Variants in ZNRF3 observed in about 807,000 individuals in gnomAD.
ZNRF3 encodes zinc and ring finger 3, also known as E3 ubiquitin-protein ligase ZNRF3.
Under a neutral mutation model 72.5 loss-of-function variants are expected in ZNRF3, and 23 were observed. That is an observed-to-expected ratio of 0.32 (90% CI 0.23 to 0.45). The LOEUF is 0.45. Ranked by LOEUF, ZNRF3 falls within the 20% of genes least tolerant of loss-of-function variation. The probability of loss-of-function intolerance (pLI) is 1.00; values close to 1 mark genes in which losing one functional copy is unlikely to be tolerated. For synonymous variants in ZNRF3, 610 were observed against 545.3 expected (o/e 1.12, Z -1.65); for missense variants, 1,169 against 1,272.1 (o/e 0.92, Z 1.23).
intron 1 of ZNRF3, among the ~76,000 whole-genome samples, chr22:28,978,442 A>G (rs2035711356): frequency 6.6e-6 from 1 of 152,154 alleles, no homozygotes; most frequent in African/African-American, 2.4e-5. Context: ...GGCTCCCAGA[A>G]CAGCCGTCTC....
chr22:29,052,647 C>T (rs987404004), intron 8 of ZNRF3, among the ~76,000 whole-genome samples: 4 of 150,128 alleles, frequency 2.7e-5, no homozygotes, highest in East Asian at 2.0e-4. Flanking sequence ...GAGCTGAGAT[C>T]GCCCCATCGT....
Position 29,027,243 on chromosome 22 carries a change from T to A in ZNRF3, c.427-15252T>A, listed in dbSNP as rs8137893. 7.7e-3 allele frequency among the ~76,000 whole-genome samples: 1,119 copies of A among 146,136 alleles called. 17 individuals are homozygous for A. The highest frequency in any genetic ancestry group is 0.027 in the African/African-American group (1,074 of 40,340). ...TACCCCTCTATTTTTTATTTAATTT[T>A]ATTTATTTATTTATTTATTTTTGAG... On this transcript the variant is annotated intron_variant, in intron 2 of 8. Transcript: ENST00000544604.
At chr22:29,052,223 A>G (rs1256578764) in intron 8 of ZNRF3, among the ~76,000 whole-genome samples, 1 of 152,174 alleles carries the variant, frequency 6.6e-6, no homozygotes, top group Non-Finnish European at 1.5e-5. Flanking sequence ...TCCCACTGCT[A>G]TCCCCTCAGT....
At chr22:28,898,509 C>T (rs900844331) in intron 1 of ZNRF3, among the ~76,000 whole-genome samples, 22 of 152,198 alleles carry the variant, frequency 1.4e-4, no homozygotes. Context: ...CACAGCCTGA[C>T]TGTAGACTTT....
chr22:28,969,241 A>T (rs2035528416), intron 1 of ZNRF3, among the ~76,000 whole-genome samples: 1 of 152,198 alleles, frequency 6.6e-6, no homozygotes, highest in African/African-American at 2.4e-5. Context: ...CACCACCTAC[A>T]TTCAGACTCA....
intron 2 of ZNRF3, among the ~76,000 whole-genome samples, chr22:29,029,850 C>T (rs973910234): frequency 2.0e-5 from 3 of 152,186 alleles, no homozygotes; most frequent in Non-Finnish European, 2.9e-5. Flanking sequence ...CCAGACTTTG[C>T]AGGCACTGTT....
At chr22:28,885,618 G>A (rs116355854) in intron 1 of ZNRF3, among the ~76,000 whole-genome samples, 3,341 of 144,876 alleles carry the variant, frequency 0.023, 88 homozygotes, top group African/African-American at 0.057. Context: ...AAAAAAAGAC[G>A]CTCTAGCGTG....
At chr22:28,942,998 T>C (rs2034975641) in intron 1 of ZNRF3, among the ~76,000 whole-genome samples, 1 of 152,242 alleles carries the variant, frequency 6.6e-6, no homozygotes, top group South Asian at 2.1e-4. Flanking sequence ...GTGGGCTTTA[T>C]CTGACCATCT....
At chr22:28,956,364 T>G (rs2035261728) in intron 1 of ZNRF3, among the ~76,000 whole-genome samples, 1 of 150,488 alleles carries the variant, frequency 6.6e-6, no homozygotes, top group South Asian at 2.1e-4. Flanking sequence ...TTTTTTTTTT[T>G]TTTTTTTTTT....
chr22:29,037,592 G>A (rs2036889229), intron 2 of ZNRF3, among the ~76,000 whole-genome samples: 1 of 152,194 alleles, frequency 6.6e-6, no homozygotes, highest in South Asian at 2.1e-4. Context: ...GTCTTCTAGA[G>A]GCTGGAATTT....
chr22:28,965,319 T>G (rs1199968887), intron 1 of ZNRF3, among the ~76,000 whole-genome samples: 1 of 152,242 alleles, frequency 6.6e-6, no homozygotes, highest in Non-Finnish European at 1.5e-5. Flanking sequence ...ATTTACTATG[T>G]GCTTGCCTCG....
Position 29,019,251 on chromosome 22 carries a change from G to GA in ZNRF3, c.427-23239dup, listed in dbSNP as rs535784170. Among the ~76,000 whole-genome samples the GA allele has an allele frequency of 9.2e-5, 14 of 152,176 alleles. No homozygotes were observed. In the South Asian group the frequency reaches 2.5e-3, roughly 27 times the overall value. On this transcript the variant is annotated intron_variant, in intron 2 of 8. Transcript: ENST00000544604. ...TGGCCAAGCCCAAATTCAAGGGGTG[G>GA]AAAAATAAGCTCAATTTCTTGATGG...
chr22:28,988,781 A>T (rs545789299), intron 2 of ZNRF3, among the ~76,000 whole-genome samples: 1 of 152,290 alleles, frequency 6.6e-6, no homozygotes, highest in South Asian at 2.1e-4. Flanking sequence ...CTTGTACTTT[A>T]TGCAGGAATT....
intron 1 of ZNRF3, among the ~76,000 whole-genome samples, chr22:28,966,560 T>C (rs2123808840): frequency 6.6e-6 from 1 of 152,292 alleles, no homozygotes; most frequent in African/African-American, 2.4e-5. Context: ...GACAGTGACA[T>C]TGATGATCCT....
At chr22:28,980,213 A>T (rs2035741775) in intron 1 of ZNRF3, among the ~76,000 whole-genome samples, 1 of 150,690 alleles carries the variant, frequency 6.6e-6, no homozygotes, top group Non-Finnish European at 1.5e-5. Flanking sequence ...TTGGAGACTC[A>T]GAAGGGTGGG....
At position 28,987,167 on chromosome 22, in the gene ZNRF3, T is replaced by G; in HGVS notation, c.392T>G (p.Leu131Trp). The change falls in exon 2 of 9, where the codon TTG (leucine) becomes TGG (tryptophan). Residue 131 changes from leucine (L) to tryptophan (W), a missense_variant. Around this residue, in one of 2 missense-constraint regions of ZNRF3, gnomAD observed 386 missense variants for 540.7 expected, o/e 0.71. Coordinates refer to ENST00000544604, the MANE Select transcript of ZNRF3 (RefSeq NM_001206998.2). ...VGVVKLEQPE[L>W]DPKPCLTVLG... ...GTGGTGAAGCTGGAACAGCCAGAAT[T>G]GGACCCGAAACCATGCCTCACTGTC... 6.2e-7 allele frequency: 1 copy of G among 1,613,882 alleles called. No individual in the cohort carries two copies. Among genetic ancestry groups the G allele is most frequent in the Non-Finnish European group, 8.5e-7 (1 of 1,179,922 alleles).
chr22:28,929,832 T>G (rs2034673322), intron 1 of ZNRF3, among the ~76,000 whole-genome samples: 1 of 152,232 alleles, frequency 6.6e-6, no homozygotes, highest in Non-Finnish European at 1.5e-5. Context: ...AAAAGAATCA[T>G]CTTAAGTTTT....
chr22:29,004,057 C>T (rs917817904), intron 2 of ZNRF3, among the ~76,000 whole-genome samples: 2 of 152,352 alleles, frequency 1.3e-5, no homozygotes, highest in East Asian at 1.9e-4. Flanking sequence ...ATGCACCTAA[C>T]GGGCTTCTCG....
intron 1 of ZNRF3, among the ~76,000 whole-genome samples, chr22:28,911,374 C>T (rs116511102): frequency 0.017 from 2,531 of 152,284 alleles, 59 homozygotes; most frequent in African/African-American, 0.057. Flanking sequence ...CAACTCCCGC[C>T]TGCCCTGTGT....
Sources: gnomAD v4.1 joint callset for allele counts (sites outside exome capture counted in the v4.1 genomes callset) on GRCh38, gnomAD v4.1.1 for gene constraint, gnomAD v4.1.1 regional missense constraint, MANE v1.5 for transcripts, NCBI Gene and HGNC (gene_info 2026-07-23, HGNC 2026-07-21) for gene names.